UBE2O: variants seen among roughly 807,000 people sequenced by gnomAD.
UBE2O encodes (E3-independent) E2 ubiquitin-conjugating enzyme.
UBE2O carries 15 observed loss-of-function variants against 125.8 expected under a neutral mutation model. The observed-to-expected ratio is 0.12, with a 90% confidence interval of 0.08 to 0.18. UBE2O has a LOEUF of 0.18. UBE2O is among the 10% of genes least tolerant of loss of function. The probability of loss-of-function intolerance (pLI) is 1.00; values close to 1 mark genes in which losing one functional copy is unlikely to be tolerated. For missense variants in UBE2O, 1,280 were observed against 1,723.6 expected (o/e 0.74, Z 4.56); for synonymous variants, 708 against 703.2 (o/e 1.01, Z -0.11).
chr17:76,436,365 A>G (rs1449962916), intron 1 of UBE2O, among the ~76,000 whole-genome samples: 1 of 151,970 alleles, frequency 6.6e-6, no homozygotes, highest in Non-Finnish European at 1.5e-5. Flanking sequence ...TTTTTTACCC[A>G]CCTTTCCTAT....
At chr17:76,451,148 T>C (rs185426664) in intron 1 of UBE2O, among the ~76,000 whole-genome samples, 6 of 152,054 alleles carry the variant, frequency 3.9e-5, no homozygotes, top group Non-Finnish European at 5.9e-5. Context: ...GTCAAATGAG[T>C]TGCGTTCCAA....
intron 1 of UBE2O, chr17:76,430,989 T>C (rs1359983497): frequency 4.3e-6 from 1 of 230,504 alleles, no homozygotes; most frequent in South Asian, 5.1e-5. Context: ...ATAAGTTTCC[T>C]CCCTGCCTTT....
intron 1 of UBE2O, among the ~76,000 whole-genome samples, chr17:76,426,774 C>T (rs1028262625): frequency 4.6e-5 from 7 of 152,146 alleles, no homozygotes; most frequent in Non-Finnish European, 1.0e-4. Flanking sequence ...AAATTAGTGA[C>T]GATCACTTTC....
intron 1 of UBE2O, among the ~76,000 whole-genome samples, chr17:76,425,346 A>T (rs962906567): frequency 6.6e-6 from 1 of 152,038 alleles, no homozygotes; most frequent in Non-Finnish European, 1.5e-5. Context: ...ATTGTATCAA[A>T]ACAATGCATG....
intron 1 of UBE2O, among the ~76,000 whole-genome samples, chr17:76,407,601 C>T (rs1018101345): frequency 6.6e-6 from 1 of 152,246 alleles, no homozygotes; most frequent in African/African-American, 2.4e-5. Context: ...AACGCAGACA[C>T]AGACCTAAAT....
At chr17:76,426,962 G>A (rs935102349) in intron 1 of UBE2O, among the ~76,000 whole-genome samples, 5 of 151,198 alleles carry the variant, frequency 3.3e-5, no homozygotes, top group South Asian at 2.1e-4. Flanking sequence ...ATTATTGAAC[G>A]ATAATTTAAG....
chr17:76,411,318 T>G (rs1317040769), intron 1 of UBE2O, among the ~76,000 whole-genome samples: 2 of 152,204 alleles, frequency 1.3e-5, no homozygotes, highest in African/African-American at 4.8e-5. Flanking sequence ...GAAGCTACTT[T>G]CAAGTGATTT....
chr17:76,422,517 G>C (rs1164973372), intron 1 of UBE2O, among the ~76,000 whole-genome samples: 1 of 152,218 alleles, frequency 6.6e-6, no homozygotes, highest in African/African-American at 2.4e-5. Context: ...TGTGCCAGAT[G>C]CCAATGAAAC....
intron 15 of UBE2O, among the ~76,000 whole-genome samples, chr17:76,394,364 C>T (rs575515370): frequency 2.6e-4 from 39 of 152,298 alleles, no homozygotes; most frequent in African/African-American, 6.7e-4. Flanking sequence ...TTGCCTGTTC[C>T]GGAAGGATGC....
intron 1 of UBE2O, among the ~76,000 whole-genome samples, chr17:76,426,322 A>G (rs2072810147): frequency 6.6e-6 from 1 of 151,986 alleles, no homozygotes; most frequent in Non-Finnish European, 1.5e-5. Flanking sequence ...TTTCTACTCT[A>G]CTTGACGTAG....
At chr17:76,414,132 CA>C (rs1215077072) in intron 1 of UBE2O, among the ~76,000 whole-genome samples, 3 of 152,114 alleles carry the variant, frequency 2.0e-5, no homozygotes, top group Non-Finnish European at 4.4e-5. Context: ...GGGGGCCTCA[CA>C]TGCTTGGGGG....
chr17:76,435,421 C>T (rs1036877825), intron 1 of UBE2O, among the ~76,000 whole-genome samples: 10 of 82,940 alleles, frequency 1.2e-4, no homozygotes, highest in African/African-American at 3.3e-4. Flanking sequence ...CACACATACA[C>T]ACACACACAC....
At chr17:76,437,564 T>C (rs537607604) in intron 1 of UBE2O, among the ~76,000 whole-genome samples, 70 of 152,288 alleles carry the variant, frequency 4.6e-4, no homozygotes, top group African/African-American at 1.7e-3. Context: ...ATGGTTTAGA[T>C]AACAGTATGT....
chr17:76,390,897 CG>C lies in UBE2O; in HGVS notation c.*45del. 1 of 1,538,014 alleles carries C rather than the reference CG, an allele frequency of 6.5e-7. No homozygotes were observed. Among genetic ancestry groups the C allele is most frequent in the East Asian group, 2.3e-5 (1 of 44,294 alleles). ...ATTCCGGGGGGGAGTGAGCAGGCGG[CG>C]GCTGGCCTCTCCCACGGTGATGCTC... On this transcript the variant is annotated 3_prime_UTR_variant, in exon 18 of 18. Coordinates refer to ENST00000319380, the MANE Select transcript of UBE2O (RefSeq NM_022066.4).
chr17:76,401,224 C>T (rs977748093), intron 5 of UBE2O, 70 bp from the exon 6 acceptor site: 1 of 1,557,604 alleles, frequency 6.4e-7, no homozygotes, highest in Non-Finnish European at 8.7e-7. Flanking sequence ...CTCTCCACGC[C>T]TGTGCCCGCT....
intron 15 of UBE2O, among the ~76,000 whole-genome samples, chr17:76,394,048 A>T (rs1209093323): frequency 6.6e-6 from 1 of 152,262 alleles, no homozygotes; most frequent in East Asian, 1.9e-4. Flanking sequence ...GAATTTTCCT[A>T]CAACCCAAGA....
chr17:76,400,178 C>T lies in UBE2O; in HGVS notation c.1124G>A (p.Cys375Tyr). Residue 375 changes from cysteine (C) to tyrosine (Y), a missense_variant, in exon 8 of 18, where the codon TGC becomes TAC. This residue lies in a region of UBE2O where 141 missense variants were observed against 141.3 expected (regional missense o/e 1.00). Coordinates refer to ENST00000319380, the MANE Select transcript of UBE2O (RefSeq NM_022066.4). This position sits in a 1 kb window ranked among gnomAD's most constrained non-coding sequence, Gnocchi z 4.3. ...KIAWECPEKN[C>Y]AQGEGSMAKK... Reference sequence around the variant, plus strand: ...GGCCATAGAGCCCTCCCCCTGGGCGCAGTTTTTTTCTGGACATTCCCAGGC... The same window carrying T: ...GGCCATAGAGCCCTCCCCCTGGGCGTAGTTTTTTTCTGGACATTCCCAGGC... 1 of 1,614,132 alleles carries T rather than the reference C, an allele frequency of 6.2e-7. No homozygotes were observed. The highest frequency in any genetic ancestry group is 8.5e-7 in the Non-Finnish European group (1 of 1,180,004).
In UBE2O at chr17:76,396,469, C is replaced by G; in HGVS notation, c.2468G>C (p.Ser823Thr). 1.2e-6 allele frequency: 2 copies of G among 1,614,058 alleles called. No homozygotes were observed. The highest frequency in any genetic ancestry group is 4.5e-5 in the East Asian group (2 of 44,880). Residue 823 changes from serine to threonine, a missense_variant, in exon 14 of 18, where the codon AGC becomes ACC. Around this residue, in one of 10 missense-constraint regions of UBE2O, gnomAD observed 210 missense variants for 268.9 expected, o/e 0.78. Transcript: ENST00000319380. This position sits in a 1 kb window ranked among gnomAD's most constrained non-coding sequence, Gnocchi z 6.7. ...CTGCTCCACAGTCATGTTCTTGAGG[C>G]TCTCCAGGATCTTGATGGCCTCTTT... is the stretch of plus-strand genomic sequence containing the variant. ...ELKEAIKILE[S>T]LKNMTVEQLL...
rs1485312708 is a variant in UBE2O at position 76,398,621 on chromosome 17, G to A, written c.1784-37C>T. 15 of 1,598,414 alleles carry A rather than the reference G, an allele frequency of 9.4e-6. No homozygotes were observed. Among genetic ancestry groups the A allele is most frequent in the Admixed American group, 3.4e-5 (2 of 59,654 alleles). On this transcript the variant is annotated intron_variant, in intron 10 of 17. Coordinates refer to ENST00000319380, the MANE Select transcript of UBE2O (RefSeq NM_022066.4). The surrounding 1 kb of genome is among the most constrained non-coding windows in gnomAD (Gnocchi z 5.4). ...GAGAAAGGGAAGTGACTAGCTAAGGGATCCCGGCTAAGGAGCCCACATCTC... is the reference window on the plus strand; with the variant it reads ...GAGAAAGGGAAGTGACTAGCTAAGGAATCCCGGCTAAGGAGCCCACATCTC...
Sources: gnomAD v4.1 joint callset for allele counts (sites outside exome capture counted in the v4.1 genomes callset) on GRCh38, gnomAD v4.1.1 for gene constraint, gnomAD v4.1.1 regional missense constraint, Gnocchi (gnomAD v3.1) non-coding constraint, MANE v1.5 for transcripts, NCBI Gene and HGNC (gene_info 2026-07-23, HGNC 2026-07-21) for gene names.